NMNAT3: variants seen among roughly 807,000 people sequenced by gnomAD.
NMNAT3 encodes nicotinamide nucleotide adenylyltransferase 3, also known as nicotinamide/nicotinic acid mononucleotide adenylyltransferase 3.
NMNAT3 carries 21 observed loss-of-function variants against 24.8 expected under a neutral mutation model. The ratio of observed to expected loss-of-function variants is 0.85; its 90% confidence interval spans 0.60 to 1.22. NMNAT3 has a LOEUF of 1.22. Ranked by LOEUF, NMNAT3 falls within the 50% of genes most tolerant of loss-of-function variation. The pLI is 0.00. For missense variants in NMNAT3, 387 were observed against 436.6 expected (o/e 0.89, Z 1.01); for synonymous variants, 136 against 155.2 (o/e 0.88, Z 0.92).
chr3:139,627,992 C>G (rs2056131335), intron 2 of NMNAT3, among the ~76,000 whole-genome samples: 1 of 152,218 alleles, frequency 6.6e-6, no homozygotes, highest in Non-Finnish European at 1.5e-5. Flanking sequence ...TGAGTGGTTA[C>G]TCATACAGCT....
At chr3:139,605,486 C>T (rs2054901762) in intron 3 of NMNAT3, among the ~76,000 whole-genome samples, 1 of 152,112 alleles carries the variant, frequency 6.6e-6, no homozygotes, top group African/African-American at 2.4e-5. Context: ...CTGGGCTGAA[C>T]TCAAAGATGC....
intron 1 of NMNAT3, among the ~76,000 whole-genome samples, chr3:139,654,197 T>C (rs2057158251): frequency 6.6e-6 from 1 of 152,178 alleles, no homozygotes; most frequent in Admixed American, 6.5e-5. Flanking sequence ...GCAATTAATC[T>C]GCAGATAAAA....
At chr3:139,617,677 T>C (rs901008091) in intron 3 of NMNAT3, among the ~76,000 whole-genome samples, 1 of 152,230 alleles carries the variant, frequency 6.6e-6, no homozygotes, top group African/African-American at 2.4e-5. Context: ...CACACGTGGA[T>C]TATTGCTGAA....
intron 5 of NMNAT3, among the ~76,000 whole-genome samples, chr3:139,577,156 C>T (rs780203849): frequency 4.6e-5 from 7 of 151,846 alleles, no homozygotes; most frequent in African/African-American, 7.3e-5. Context: ...AAAATGAATG[C>T]GTTCAGTACA....
chr3:139,565,045 G>A (rs1388123829), intron 6 of NMNAT3, among the ~76,000 whole-genome samples: 1 of 152,102 alleles, frequency 6.6e-6, no homozygotes, highest in Non-Finnish European at 1.5e-5. Context: ...ATGCAGTATT[G>A]TATCCTGATT....
chr3:139,560,992 G>A lies in NMNAT3; in HGVS notation c.*18C>T, dbSNP rs1385065286. 1 of 1,599,314 alleles carries A rather than the reference G, an allele frequency of 6.3e-7. No individual in the cohort carries two copies. Among genetic ancestry groups the A allele is most frequent in the Non-Finnish European group, 8.5e-7 (1 of 1,170,622 alleles). ...CAGGAGCTTGTTGGAGGAGGTGTGG[G>A]TGCTGAGTCCCCCCTCCCTAGCTTG... On this transcript the variant is annotated 3_prime_UTR_variant, in exon 7 of 7. Transcript: ENST00000643695.
intron 6 of NMNAT3, chr3:139,569,834 T>C (rs1211102745): frequency 2.0e-5 from 3 of 152,240 alleles, no homozygotes; most frequent in Non-Finnish European, 2.9e-5. Context: ...GAGTTGCTCT[T>C]CTCGAGAAGT....
intron 1 of NMNAT3, among the ~76,000 whole-genome samples, chr3:139,640,890 G>A (rs1471893782): frequency 6.6e-6 from 1 of 152,216 alleles, no homozygotes; most frequent in African/African-American, 2.4e-5. Context: ...TGAAGTCAGA[G>A]CAGGCCTGAG....
At chr3:139,611,957 C>T (rs903253968) in intron 3 of NMNAT3, among the ~76,000 whole-genome samples, 1 of 152,132 alleles carries the variant, frequency 6.6e-6, no homozygotes, top group African/African-American at 2.4e-5. Flanking sequence ...CACCGGAGGT[C>T]GGGAGTTCGA....
At chr3:139,614,083 A>T (rs1258360188) in intron 3 of NMNAT3, among the ~76,000 whole-genome samples, 3 of 152,082 alleles carry the variant, frequency 2.0e-5, no homozygotes, top group Admixed American at 6.6e-5. Context: ...ACATGTATAC[A>T]TATGTAACTA....
intron 1 of NMNAT3, among the ~76,000 whole-genome samples, chr3:139,645,158 T>C (rs1296278097): frequency 1.3e-5 from 2 of 151,994 alleles, no homozygotes; most frequent in African/African-American, 2.4e-5. Context: ...GCTGAGATCA[T>C]GCCACTGCAC....
intron 1 of NMNAT3, among the ~76,000 whole-genome samples, chr3:139,647,021 T>TA (rs1277339159): frequency 2.0e-5 from 3 of 152,208 alleles, no homozygotes; most frequent in African/African-American, 7.2e-5. Flanking sequence ...TGGGAAGATT[T>TA]AAAAAATGTA....
At chr3:139,638,906 C>T (rs1308296837) in intron 1 of NMNAT3, among the ~76,000 whole-genome samples, 2 of 152,194 alleles carry the variant, frequency 1.3e-5, no homozygotes, top group African/African-American at 4.8e-5. Flanking sequence ...TTGCTACTTA[C>T]CCTCCAACCC....
intron 6 of NMNAT3, chr3:139,565,420 G>C (rs1001078873): frequency 1.4e-4 from 22 of 152,152 alleles, no homozygotes; most frequent in African/African-American, 4.6e-4. Context: ...GTGCAGGTTT[G>C]TTACATACGT....
intron 1 of NMNAT3, among the ~76,000 whole-genome samples, chr3:139,669,772 T>C (rs2057700560): frequency 6.6e-6 from 1 of 152,214 alleles, no homozygotes; most frequent in African/African-American, 2.4e-5. Flanking sequence ...GAGATATAAT[T>C]ATGGATTAAT....
Position 139,569,090 on chromosome 3 carries a change from G to T in NMNAT3, c.658+4508C>A, listed in dbSNP as rs1011789489. 2.6e-5 allele frequency: 4 copies of T among 152,108 alleles called. No individual in the cohort carries two copies. The South Asian group carries it at 6.2e-4, about 24-fold the overall frequency. 9.4% of individuals were successfully genotyped at this position (152,108 alleles called of 1,614,324 possible). ...CCTGTTGAATTGATCCCTTTACCAT[G>T]ATGTAATGGCCTTCTTTGTCTCTTT... On this transcript the variant is annotated intron_variant, in intron 6 of 6. Transcript: ENST00000643695.
chr3:139,598,860 C>T (rs1383432865), intron 3 of NMNAT3, among the ~76,000 whole-genome samples: 1 of 151,960 alleles, frequency 6.6e-6, no homozygotes, highest in Non-Finnish European at 1.5e-5. Flanking sequence ...TTTTCTACTG[C>T]ACTGTACTGA....
chr3:139,616,700 T>C (rs945667090), intron 3 of NMNAT3, among the ~76,000 whole-genome samples: 6 of 152,160 alleles, frequency 3.9e-5, no homozygotes, highest in African/African-American at 1.4e-4. Flanking sequence ...TTTATTGCCA[T>C]TGTCACCCTC....
chr3:139,619,984 C>A (rs1281954429), intron 3 of NMNAT3, among the ~76,000 whole-genome samples: 1 of 152,072 alleles, frequency 6.6e-6, no homozygotes, highest in Non-Finnish European at 1.5e-5. Context: ...TCCAGCCAGT[C>A]TTCAAATTTC....
Sources: allele counts gnomAD v4.1 joint callset (sites outside exome capture counted in the v4.1 genomes callset), GRCh38; gene constraint gnomAD v4.1.1; transcripts MANE v1.5; gene names NCBI Gene and HGNC (gene_info 2026-07-23, HGNC 2026-07-21).